The following CABCOCO1 variants were observed in gnomAD, a reference collection of about 807,000 sequenced individuals.
CABCOCO1 encodes ciliary-associated calcium-binding coiled-coil protein 1.
CABCOCO1 carries 28 observed loss-of-function variants against 35.7 expected under a neutral mutation model. That is an observed-to-expected ratio of 0.78 (90% CI 0.58 to 1.07). The LOEUF is 1.07. CABCOCO1 is among the 50% of genes least tolerant of loss of function. CABCOCO1 has a pLI of 0.00. For missense variants in CABCOCO1, 326 were observed against 309.2 expected, an observed-to-expected ratio of 1.05 and a Z score of -0.41; for synonymous variants, 95 against 100.1, an observed-to-expected ratio of 0.95 and a Z score of 0.30.
intron 5 of CABCOCO1, among the ~76,000 whole-genome samples, chr10:61,703,642 C>A (rs1162011088): frequency 6.6e-6 from 1 of 152,008 alleles, no homozygotes; most frequent in East Asian, 1.9e-4. Context: ...AGGCACTGTG[C>A]TTTTTGGTAT....
intron 2 of CABCOCO1, among the ~76,000 whole-genome samples, chr10:61,674,561 TG>T (rs1328410006): frequency 1.3e-5 from 2 of 152,278 alleles, no homozygotes; most frequent in Non-Finnish European, 2.9e-5. Flanking sequence ...TTATTATAAA[TG>T]GGGGTTATAT....
chr10:61,744,199 T>A (rs962930671), intron 5 of CABCOCO1, among the ~76,000 whole-genome samples: 1 of 152,168 alleles, frequency 6.6e-6, no homozygotes, highest in Non-Finnish European at 1.5e-5. Flanking sequence ...CTTTTGACGA[T>A]ACACAGGATT....
At chr10:61,743,532 A>T (rs1466846524) in intron 5 of CABCOCO1, among the ~76,000 whole-genome samples, 1 of 152,132 alleles carries the variant, frequency 6.6e-6, no homozygotes, top group Non-Finnish European at 1.5e-5. Flanking sequence ...TCAGCCGGTC[A>T]TTTGTCCCAT....
chr10:61,678,826 T>C (rs1156371265), intron 2 of CABCOCO1, among the ~76,000 whole-genome samples: 5 of 152,244 alleles, frequency 3.3e-5, no homozygotes, highest in Non-Finnish European at 5.9e-5. Flanking sequence ...ACATACCATA[T>C]ACCAAATGGC....
chr10:61,704,919 A>G (rs1485568712), intron 5 of CABCOCO1, among the ~76,000 whole-genome samples: 2 of 144,532 alleles, frequency 1.4e-5, no homozygotes, highest in African/African-American at 5.1e-5. Flanking sequence ...ATTTCTGGTT[A>G]AAAAAAAAAA....
intron 5 of CABCOCO1, among the ~76,000 whole-genome samples, chr10:61,713,082 T>C (rs2132031780): frequency 6.6e-6 from 1 of 152,350 alleles, no homozygotes; most frequent in Non-Finnish European, 1.5e-5. Context: ...ATTGAATCTA[T>C]AAATTACCTT....
chr10:61,708,966 A>G (rs1840660510), intron 5 of CABCOCO1, among the ~76,000 whole-genome samples: 1 of 152,142 alleles, frequency 6.6e-6, no homozygotes, highest in African/African-American at 2.4e-5. Context: ...GAAACTTTAT[A>G]CACTGTTCAT....
chr10:61,759,988 A>C, intron 5 of CABCOCO1, 71 bp from the exon 6 acceptor site: 1 of 1,573,920 alleles, frequency 6.4e-7, no homozygotes, highest in Admixed American at 1.7e-5. Context: ...GTACATATAT[A>C]ACGGAACTGA....
chr10:61,740,587 T>C (rs1841528053), intron 5 of CABCOCO1, among the ~76,000 whole-genome samples: 1 of 152,350 alleles, frequency 6.6e-6, no homozygotes, highest in African/African-American at 2.4e-5. Flanking sequence ...ATTTTGAATA[T>C]ACCATTTTAA....
intron 5 of CABCOCO1, among the ~76,000 whole-genome samples, chr10:61,729,919 G>A (rs368527361): frequency 3.5e-4 from 53 of 152,136 alleles, no homozygotes; most frequent in Admixed American, 2.1e-3. Flanking sequence ...AGAGGCCAGC[G>A]GGGAGAGGAA....
intron 1 of CABCOCO1, among the ~76,000 whole-genome samples, chr10:61,665,844 G>A (rs1839154631): frequency 6.7e-6 from 1 of 149,152 alleles, no homozygotes; most frequent in Middle Eastern, 3.2e-3. Flanking sequence ...CCGAGATCGC[G>A]CCACTGCACT....
At chr10:61,681,468 GTTA>G (rs1839790668) in intron 3 of CABCOCO1, among the ~76,000 whole-genome samples, 156 bp downstream of exon 3, 1 of 152,000 alleles carries the variant, frequency 6.6e-6, no homozygotes, top group Admixed American at 6.6e-5. Context: ...TCTCCATTGA[GTTA>G]TAAAACCTCA....
rs1434232670 is a variant in CABCOCO1 at position 61,723,074 on chromosome 10, AT to A, written c.552+32455del. Among the ~76,000 whole-genome samples, 10 of 152,374 alleles carry A rather than the reference AT, an allele frequency of 6.6e-5. No individual in the cohort carries two copies. In the East Asian group the frequency reaches 1.9e-3, roughly 29 times the overall value. On this transcript the variant is annotated intron_variant, in intron 5 of 7. Coordinates refer to ENST00000648843, the MANE Select transcript of CABCOCO1 (RefSeq NM_001366906.2). ...AATTACAATCAATTCACTTCTGAATATTGGTACAAATGACCTAAATAAAATG... is the reference window on the plus strand; with the variant it reads ...AATTACAATCAATTCACTTCTGAATATGGTACAAATGACCTAAATAAAATG...
At chr10:61,737,776 A>G (rs1309170741) in intron 5 of CABCOCO1, among the ~76,000 whole-genome samples, 1 of 152,122 alleles carries the variant, frequency 6.6e-6, no homozygotes, top group Non-Finnish European at 1.5e-5. Context: ...AACACGAAGG[A>G]GGAAACAACA....
chr10:61,690,461 T>C, intron 4 of CABCOCO1, 88 bp from the exon 5 acceptor site: 1 of 829,138 alleles, frequency 1.2e-6, no homozygotes, highest in Non-Finnish European at 1.9e-6. Context: ...TTGGTCAATA[T>C]GAAGTTTCCT....
chr10:61,759,006 G>C (rs1159692667), intron 5 of CABCOCO1, among the ~76,000 whole-genome samples: 1 of 151,824 alleles, frequency 6.6e-6, no homozygotes, highest in African/African-American at 2.4e-5. Context: ...TTATTTCATT[G>C]GGTTTTTTTT....
intron 2 of CABCOCO1, among the ~76,000 whole-genome samples, chr10:61,676,856 T>A (rs1341516327): frequency 2.6e-5 from 4 of 151,526 alleles, no homozygotes; most frequent in Non-Finnish European, 5.9e-5. Context: ...GGTCAGGAGA[T>A]CGAGACCATC....
intron 1 of CABCOCO1, among the ~76,000 whole-genome samples, chr10:61,672,313 C>T (rs1043834810): frequency 3.3e-5 from 5 of 152,154 alleles, no homozygotes; most frequent in Admixed American, 3.3e-4. Context: ...GAGGTTAGCA[C>T]GTCTTTCTTG....
chr10:61,735,486 C>G (rs1010169067), intron 5 of CABCOCO1, among the ~76,000 whole-genome samples: 2 of 152,104 alleles, frequency 1.3e-5, no homozygotes, highest in African/African-American at 4.8e-5. Context: ...CTTATTCCCC[C>G]ACCAACCCCT....
Sources: allele counts gnomAD v4.1 joint callset (sites outside exome capture counted in the v4.1 genomes callset), GRCh38; gene constraint gnomAD v4.1.1; transcripts MANE v1.5; gene names NCBI Gene and HGNC (gene_info 2026-07-23, HGNC 2026-07-21).